The following DPP9 variants were observed in gnomAD, a reference collection of about 807,000 sequenced individuals.
DPP9 encodes dipeptidyl peptidase 9.
A neutral mutation model predicts 110.7 loss-of-function variants in DPP9; 50 were observed. That is an observed-to-expected ratio of 0.45 (90% confidence interval 0.36 to 0.57). The LOEUF (loss-of-function observed/expected upper bound fraction) is 0.57. Among genes scored for constraint, DPP9 ranks in the 20% least tolerant of loss-of-function variants. The probability of loss-of-function intolerance (pLI) is 0.00; values close to 1 mark genes in which losing one functional copy is unlikely to be tolerated. For missense variants in DPP9, 1,022 were observed against 1,217.9 expected (o/e 0.84, Z 2.39); for synonymous variants, 561 against 514.4 (o/e 1.09, Z -1.23).
rs2091610197 is a variant in DPP9, at chr19:4,694,436, G to A, written c.1516+225C>T. The A allele has an allele frequency of 1.6e-6, 1 of 613,264 alleles. No homozygotes were observed. Among genetic ancestry groups the A allele is most frequent in the African/African-American group, 1.9e-5 (1 of 53,994 alleles). The allele number at this position is 613,264 out of a possible 1,614,324, so 38.0% of individuals were successfully genotyped here. On this transcript the variant is annotated intron_variant, in intron 13 of 21. Transcript: ENST00000262960. The surrounding 1 kb of genome is among the most constrained non-coding windows in gnomAD (Gnocchi z 4.0). ...CTGGTTGTGCTAAGGGCCTGGCACA[G>A]GGGAGGTGCTCAGTAAATCTGCTGC... is the stretch of plus-strand genomic sequence containing the variant.
In DPP9 at chr19:4,689,101, C is replaced by T. The variant is rs915491831; in HGVS notation, c.1750-209G>A. ...GCAGAGCAGGAAACTGAGGCCAGGA[C>T]GAGTCTGTCCCCCAGCCAGGGGCCT... On this transcript the variant is annotated intron_variant, in intron 15 of 21. Transcript: ENST00000262960. The surrounding 1 kb of genome is among the most constrained non-coding windows in gnomAD (Gnocchi z 7.0). 2.0e-5 allele frequency among the ~76,000 whole-genome samples: 3 copies of T among 151,974 alleles called. No homozygotes were observed. The highest frequency in any genetic ancestry group is 4.8e-5 in the African/African-American group (2 of 41,374).
Position 4,703,956 on chromosome 19 carries a change from G to A in DPP9, c.699C>T (p.Ile233=), listed in dbSNP as rs2092444012. 1 of 1,613,780 alleles carries A rather than the reference G, an allele frequency of 6.2e-7. No individual in the cohort carries two copies. Among genetic ancestry groups the A allele is most frequent in the Non-Finnish European group, 8.5e-7 (1 of 1,179,836 alleles). The change falls in exon 7 of 22, where the codon ATC becomes ATT. Residue 233 remains isoleucine (I), a synonymous_variant. Transcript: ENST00000262960. ...TGGCCACCCACAGGTCGCTGTTATT[G>A]ATGAAGGAGAAGAAGGCAGGGTCGG... The part of the protein sequence containing the change: ...CPADPAFFSF[I]NNSDLWVANI...
intron 7 of DPP9, among the ~76,000 whole-genome samples, chr19:4,703,480 A>T (rs569360285): frequency 6.6e-6 from 1 of 151,524 alleles, no homozygotes; most frequent in East Asian, 1.9e-4. Context: ...CAAAAAAAAA[A>T]AAAAAATTAG....
Position 4,693,487 on chromosome 19 carries a change from C to T in DPP9, c.1516+1174G>A, listed in dbSNP as rs2091507907. Among the ~76,000 whole-genome samples, 1 of 152,184 alleles carries T rather than the reference C, an allele frequency of 6.6e-6. No homozygotes were observed. The highest frequency in any genetic ancestry group is 6.5e-5 in the Admixed American group (1 of 15,278). On this transcript the variant is annotated intron_variant, in intron 13 of 21. Coordinates refer to ENST00000262960, the MANE Select transcript of DPP9 (RefSeq NM_139159.5). The surrounding 1 kb of genome is among the most constrained non-coding windows in gnomAD (Gnocchi z 5.0). ...GATTTTTTCTCTCCTAGAACAGTCC[C>T]TCTCTGAGTCTGTCTTAGACTGGAC... is the stretch of plus-strand genomic sequence containing the variant.
chr19:4,723,028 GGGGCTGAACCCTGT>G (rs1160826751), intron 1 of DPP9, among the ~76,000 whole-genome samples: 3 of 152,172 alleles, frequency 2.0e-5, no homozygotes, highest in African/African-American at 7.2e-5. Flanking sequence ...CTGAGAGAAG[GGGGCTGAACCCTGT>G]GGGCTGGACC....
At chr19:4,723,232 G>A (rs2093400730) in intron 1 of DPP9, among the ~76,000 whole-genome samples, 1 of 152,210 alleles carries the variant, frequency 6.6e-6, no homozygotes, top group Non-Finnish European at 1.5e-5. Flanking sequence ...TGCAGGTCGA[G>A]GGAGGTGGCC....
At chr19:4,683,082 G>A in intron 19 of DPP9, 1 of 1,489,852 alleles carries the variant, frequency 6.7e-7, no homozygotes, top group Non-Finnish European at 8.9e-7. Context: ...CAGAGGGCCG[G>A]GTCCCACTGC....
Position 4,675,246 on chromosome 19 carries a change from G to C in DPP9, c.*1318C>G, listed in dbSNP as rs1054826234. On this transcript the variant is annotated 3_prime_UTR_variant, in exon 22 of 22. Coordinates refer to ENST00000262960, the MANE Select transcript of DPP9 (RefSeq NM_139159.5). ...AGGTGACATGTTTCCAACTGGAATCGTTTAATGTGTCTACTTCTTCCACGC... is the reference window on the plus strand; with the variant it reads ...AGGTGACATGTTTCCAACTGGAATCCTTTAATGTGTCTACTTCTTCCACGC... The C allele has an allele frequency of 8.5e-5, 13 of 152,436 alleles. No homozygotes were observed. The highest frequency in any genetic ancestry group is 7.2e-4 in the Admixed American group (11 of 15,248). The allele number at this position is 152,436 out of a possible 1,614,324, so 9.4% of individuals were successfully genotyped here.
chr19:4,719,718 A>T, intron 3 of DPP9, 133 bp downstream of exon 3: 1 of 1,060,478 alleles, frequency 9.4e-7, no homozygotes, highest in Non-Finnish European at 1.4e-6. Flanking sequence ...TGAAATAACC[A>T]GAACAGTCTT....
chr19:4,710,048 T>C lies in DPP9; in HGVS notation c.313+4033A>G, dbSNP rs2092758667. The stretch of plus-strand genomic sequence containing the variant: ...GACAACTGGCCTTTGAGGCAAGGGC[T>C]AGAGGTGACCGCCAAGGGCTGTGGA... On this transcript the variant is annotated intron_variant, in intron 4 of 21. Transcript: ENST00000262960. The surrounding 1 kb of genome is among the most constrained non-coding windows in gnomAD (Gnocchi z 5.6). Among the ~76,000 whole-genome samples, 1 of 152,226 alleles carries C rather than the reference T, an allele frequency of 6.6e-6. No homozygotes were observed.
Position 4,718,301 on chromosome 19 carries a change from G to A in DPP9, c.56+1550C>T, listed in dbSNP as rs1460103207. On this transcript the variant is annotated intron_variant, in intron 3 of 21. Transcript: ENST00000262960. The surrounding 1 kb of genome is among the most constrained non-coding windows in gnomAD (Gnocchi z 4.3). ...GGGGGAGTAGTTGGAGATGGGGGAA[G>A]TATTTGGACGCCTAGAAGGAACTGT... 6.6e-6 allele frequency among the ~76,000 whole-genome samples: 1 copy of A among 152,182 alleles called. No homozygotes were observed. Among genetic ancestry groups the A allele is most frequent in the Non-Finnish European group, 1.5e-5 (1 of 68,030 alleles).
chr19:4,712,440 C>T (rs2092879461), intron 4 of DPP9, among the ~76,000 whole-genome samples: 1 of 152,066 alleles, frequency 6.6e-6, no homozygotes, highest in African/African-American at 2.4e-5. Context: ...GTCCCAGCTA[C>T]CTGGAGGGCT....
chr19:4,712,609 T>C (rs1568330682), intron 4 of DPP9, among the ~76,000 whole-genome samples: 1 of 151,992 alleles, frequency 6.6e-6, no homozygotes, highest in Non-Finnish European at 1.5e-5. Context: ...ACGTGGGCCA[T>C]ATGACCTCTG....
intron 3 of DPP9, chr19:4,716,160 TGA>T (rs1248381908): frequency 1.3e-5 from 2 of 151,968 alleles, no homozygotes; most frequent in Non-Finnish European, 2.9e-5. Flanking sequence ...GGACTGGGTG[TGA>T]GAGAAGTAAA....
At position 4,715,405 on chromosome 19, in the gene DPP9, G is replaced by A. The variant is rs545762168; in HGVS notation, c.57-1068C>T. ...CTTTCACACCATCCACGCTGAAGCTGGTCTTTCTGCTCATCTTTCACACGC... is the reference window on the plus strand; with the variant it reads ...CTTTCACACCATCCACGCTGAAGCTAGTCTTTCTGCTCATCTTTCACACGC... On this transcript the variant is annotated intron_variant, in intron 3 of 21. Coordinates refer to ENST00000262960, the MANE Select transcript of DPP9 (RefSeq NM_139159.5). The A allele has an allele frequency of 4.1e-4, 63 of 152,342 alleles. 1 individual carries two copies. The highest frequency in any genetic ancestry group is 3.8e-4 in the Non-Finnish European group (26 of 68,068). The allele number at this position is 152,342 out of a possible 1,614,324, so 9.4% of individuals were successfully genotyped here.
intron 20 of DPP9, among the ~76,000 whole-genome samples, chr19:4,680,505 TGTTTG>T (rs1404836679): frequency 1.3e-5 from 2 of 150,838 alleles, no homozygotes; most frequent in Admixed American, 6.6e-5. Flanking sequence ...TGAGTCCAGT[TGTTTG>T]AGACCAGCCT....
intron 4 of DPP9, 32 bp downstream of exon 4, chr19:4,714,049 C>A (rs374989979): frequency 5.1e-6 from 8 of 1,583,636 alleles, no homozygotes; most frequent in Non-Finnish European, 5.2e-6. Context: ...AGATGCTGTC[C>A]CCGCCCAAGC....
In DPP9 at chr19:4,698,111, G is replaced by T. The variant is rs866525974; in HGVS notation, c.1075-460C>A. ...CAGGTGGGCTGGGCAAGCCAACGGC[G>T]GCACCCCAGCAGGTGCCTGGACCCA... is the stretch of plus-strand genomic sequence containing the variant. On this transcript the variant is annotated intron_variant, in intron 10 of 21. Transcript: ENST00000262960. This position sits in a 1 kb window ranked among gnomAD's most constrained non-coding sequence, Gnocchi z 4.2. Among the ~76,000 whole-genome samples, 2 of 152,140 alleles carry T rather than the reference G, an allele frequency of 1.3e-5. No individual in the cohort carries two copies.
At position 4,720,062 on chromosome 19, in the gene DPP9, AC is replaced by A. The variant is rs1240701343; in HGVS notation, c.-35-122del. 7 of 804,336 alleles carry A rather than the reference AC, an allele frequency of 8.7e-6. No homozygotes were observed. The Admixed American group carries it at 1.3e-4, about 15-fold the overall frequency. 49.8% of individuals were successfully genotyped at this position (804,336 alleles called of 1,614,324 possible). A position where few individuals can be genotyped will look rare whatever the true frequency, so the allele number is the denominator to read the frequency against. ...GCAGCCCCCCAAGCCTCCGGGGAGC[AC>A]CCTGAAGCCAAGGGCATTCTGAAGA... On this transcript the variant is annotated intron_variant, in intron 2 of 21. Coordinates refer to ENST00000262960, the MANE Select transcript of DPP9 (RefSeq NM_139159.5).
Sources: allele counts gnomAD v4.1 joint callset (sites outside exome capture counted in the v4.1 genomes callset), GRCh38; gene constraint gnomAD v4.1.1; non-coding constraint Gnocchi (gnomAD v3.1); transcripts MANE v1.5; gene names NCBI Gene and HGNC (gene_info 2026-07-23, HGNC 2026-07-21).